COX11: variants seen among roughly 807,000 people sequenced by gnomAD.
COX11 encodes cytochrome c oxidase assembly protein COX11, mitochondrial.
In COX11, 18 loss-of-function variants were observed where a neutral mutation model predicts 29.4. The observed-to-expected ratio is 0.61, with a 90% CI of 0.42 to 0.91. The LOEUF is 0.91. Ranked by LOEUF, COX11 falls within the 40% of genes least tolerant of loss-of-function variation. The pLI is 0.00. For synonymous variants in COX11, 131 were observed against 124.0 expected, an observed-to-expected ratio of 1.06 and a Z score of -0.38; for missense variants, 312 against 346.0, an observed-to-expected ratio of 0.90 and a Z score of 0.78.
At chr17:54,957,910 T>C (rs1352563873), downstream of COX11, 3 of 152,238 alleles carry the variant, frequency 2.0e-5, no homozygotes, top group Non-Finnish European at 4.4e-5. Context: ...AACCACCAAA[T>C]ACATGTTTAC....
intron 1 of COX11, among the ~76,000 whole-genome samples, chr17:54,965,603 C>T (rs952669735): frequency 9.2e-5 from 14 of 152,158 alleles, no homozygotes; most frequent in Admixed American, 2.6e-4. Context: ...CCACGGGGGG[C>T]GGATCATGAG....
Position 54,960,997 on chromosome 17 carries a change from T to C in COX11, c.*1736A>G. On this transcript the variant is annotated 3_prime_UTR_variant, in exon 4 of 4. Transcript: ENST00000299335. Reference sequence around the variant, plus strand: ...TTACCGTTAGTCCTCCAAATAGGTCTGAATTTTTCCTATTTTCAGCACTAC... The same window carrying C: ...TTACCGTTAGTCCTCCAAATAGGTCCGAATTTTTCCTATTTTCAGCACTAC... 1.8e-6 allele frequency: 1 copy of C among 559,906 alleles called. No individual in the cohort carries two copies. Among genetic ancestry groups the C allele is most frequent in the Non-Finnish European group, 3.2e-6 (1 of 317,068 alleles). The allele number at this position is 559,906 out of a possible 1,614,324, so 34.7% of individuals were successfully genotyped here. A position where few individuals can be genotyped will look rare whatever the true frequency, so the allele number is the denominator to read the frequency against.
At position 54,968,581 on chromosome 17, in the gene COX11, A is replaced by G. The variant is rs747294190; in HGVS notation, c.66T>C (p.Pro22=). ...TCTCTGCAGCCCTGGTTGGAGACCCAGGGTGGATCCAGCGCCAGCCACAGA... is the reference window on the plus strand; with the variant it reads ...TCTCTGCAGCCCTGGTTGGAGACCCGGGGTGGATCCAGCGCCAGCCACAGA... ...VPFCGWRWIH[P]GSPTRAAERV... Residue 22 remains proline (P), a synonymous_variant, in exon 1 of 4, where the codon CCT becomes CCC. Coordinates refer to ENST00000299335, the MANE Select transcript of COX11 (RefSeq NM_004375.5). 5.6e-6 allele frequency: 9 copies of G among 1,612,814 alleles called. No individual in the cohort carries two copies. The highest frequency in any genetic ancestry group is 3.4e-6 in the Non-Finnish European group (4 of 1,179,996).
At position 54,961,124 on chromosome 17, in the gene COX11, T is replaced by G; in HGVS notation, c.*1609A>C. ...TGGAAGAAGCACATTCTTACCTTTC[T>G]TCTACTAGACTGTGACTCTCCAGCT... On this transcript the variant is annotated 3_prime_UTR_variant, in exon 4 of 4. Coordinates refer to ENST00000299335, the MANE Select transcript of COX11 (RefSeq NM_004375.5). 2.6e-6 allele frequency: 2 copies of G among 777,912 alleles called. 1 individual carries two copies. Among genetic ancestry groups the G allele is most frequent in the South Asian group, 3.1e-5 (2 of 64,104 alleles). The allele number at this position is 777,912 out of a possible 1,614,324, so 48.2% of individuals were successfully genotyped here.
chr17:54,955,815 G>A (rs1235861270), downstream of COX11, among the ~76,000 whole-genome samples: 1 of 152,154 alleles, frequency 6.6e-6, no homozygotes, highest in Non-Finnish European at 1.5e-5. Flanking sequence ...GTAGTTCATG[G>A]AGCTGCTGCT....
chr17:54,960,608 T>C lies in COX11; in HGVS notation c.*2125A>G, dbSNP rs755194434. The C allele has an allele frequency of 6.2e-7, 1 of 1,612,460 alleles. No homozygotes were observed. The highest frequency in any genetic ancestry group is 8.5e-7 in the Non-Finnish European group (1 of 1,178,976). ...TTGATGCTCACCAGCACAAAGGAGC[T>C]CAAAATGATGGTGACTGAGGTAAAG... On this transcript the variant is annotated 3_prime_UTR_variant, in exon 4 of 4. Coordinates refer to ENST00000299335, the MANE Select transcript of COX11 (RefSeq NM_004375.5).
intron 1 of COX11, among the ~76,000 whole-genome samples, chr17:54,965,604 G>A (rs570077975): frequency 2.5e-4 from 38 of 152,202 alleles, no homozygotes; most frequent in Admixed American, 7.2e-4. Flanking sequence ...CACGGGGGGC[G>A]GATCATGAGG....
Position 54,961,032 on chromosome 17 carries a change from G to C in COX11, c.*1701C>G. 1 of 586,964 alleles carries C rather than the reference G, an allele frequency of 1.7e-6. No homozygotes were observed. Among genetic ancestry groups the C allele is most frequent in the Non-Finnish European group, 3.0e-6 (1 of 332,722 alleles). The allele number at this position is 586,964 out of a possible 1,614,324, so 36.4% of individuals were successfully genotyped here. ...CTATTTTCAGCACTACTAATCCCAT[G>C]TATTTACTATTTAATGGTCACCAAT... On this transcript the variant is annotated 3_prime_UTR_variant, in exon 4 of 4. Transcript: ENST00000299335.
chr17:54,963,254 A>G, intron 3 of COX11, 52 bp downstream of exon 3: 3 of 1,563,268 alleles, frequency 1.9e-6, no homozygotes, highest in Non-Finnish European at 2.6e-6. Context: ...TTTCATACTA[A>G]ACCGTTTCAT....
chr17:54,962,307 AC>A lies in COX11; in HGVS notation c.*425del, dbSNP rs1353422283. 1 of 986,284 alleles carries A rather than the reference AC, an allele frequency of 1.0e-6. No homozygotes were observed. Among genetic ancestry groups the A allele is most frequent in the East Asian group, 1.1e-4 (1 of 8,876 alleles). The allele number at this position is 986,284 out of a possible 1,614,324, so 61.1% of individuals were successfully genotyped here. On this transcript the variant is annotated 3_prime_UTR_variant, in exon 4 of 4. Coordinates refer to ENST00000299335, the MANE Select transcript of COX11 (RefSeq NM_004375.5). The stretch of plus-strand genomic sequence containing the variant: ...GGAAAATAGCAACCAACTCTTTTAG[AC>A]ACAATAAACATGGTTAGAAGTTCTG...
rs1320799236 is a variant in COX11, at chr17:54,961,103, A to C, written c.*1630T>G. On this transcript the variant is annotated 3_prime_UTR_variant, in exon 4 of 4. Coordinates refer to ENST00000299335, the MANE Select transcript of COX11 (RefSeq NM_004375.5). ...TTCCCCTTATACCCTCCCCTATGGAAGAAGCACATTCTTACCTTTCTTCTA... is the reference window on the plus strand; with the variant it reads ...TTCCCCTTATACCCTCCCCTATGGACGAAGCACATTCTTACCTTTCTTCTA... 11 of 701,150 alleles carry C rather than the reference A, an allele frequency of 1.6e-5. No individual in the cohort carries two copies. Among genetic ancestry groups the C allele is most frequent in the Non-Finnish European group, 2.7e-5 (11 of 402,830 alleles). The allele number at this position is 701,150 out of a possible 1,614,324, so 43.4% of individuals were successfully genotyped here.
intron 1 of COX11, among the ~76,000 whole-genome samples, chr17:54,965,700 G>A (rs1036205214): frequency 1.3e-5 from 2 of 152,176 alleles, no homozygotes; most frequent in African/African-American, 2.4e-5. Context: ...GTGGTGACAC[G>A]CGCCTGTAGT....
rs1018550432 is a variant in COX11 at position 54,962,349 on chromosome 17, C to T, written c.*384G>A. Reference sequence around the variant, plus strand: ...AGAAGTTCTGGCCTATGACTTGAAACAAATAACCCTGAGCATACATTTTTG... The same window carrying T: ...AGAAGTTCTGGCCTATGACTTGAAATAAATAACCCTGAGCATACATTTTTG... On this transcript the variant is annotated 3_prime_UTR_variant, in exon 4 of 4. Transcript: ENST00000299335. 2.6e-4 allele frequency: 257 copies of T among 989,698 alleles called. No individual in the cohort carries two copies. The highest frequency in any genetic ancestry group is 3.0e-4 in the Non-Finnish European group (248 of 833,190). The allele number at this position is 989,698 out of a possible 1,614,324, so 61.3% of individuals were successfully genotyped here. A position where few individuals can be genotyped will look rare whatever the true frequency, so the allele number is the denominator to read the frequency against.
At position 54,961,428 on chromosome 17, in the gene COX11, T is replaced by C. The variant is rs1188220016; in HGVS notation, c.*1305A>G. 14 of 1,514,634 alleles carry C rather than the reference T, an allele frequency of 9.2e-6. No individual in the cohort carries two copies. In the Admixed American group the frequency reaches 3.1e-4, roughly 34 times the overall value. The allele number at this position is 1,514,634 out of a possible 1,614,324, so 93.8% of individuals were successfully genotyped here. On this transcript the variant is annotated 3_prime_UTR_variant, in exon 4 of 4. Coordinates refer to ENST00000299335, the MANE Select transcript of COX11 (RefSeq NM_004375.5). ...ACTGATTCCTGACAACAGCGTGAGA[T>C]TTCAACAGAACTTGTTTGGAACAAA...
At chr17:54,955,175 C>T (rs548229565), upstream of COX11, 19 of 152,304 alleles carry the variant, frequency 1.2e-4, no homozygotes, top group Admixed American at 1.1e-3. Context: ...TTGCTGGCCA[C>T]CATGCAAAGC....
Position 54,968,501 on chromosome 17 carries a change from C to T in COX11, c.146G>A (p.Gly49Glu). The T allele has an allele frequency of 6.2e-7, 1 of 1,613,438 alleles. No homozygotes were observed. The highest frequency in any genetic ancestry group is 8.5e-7 in the Non-Finnish European group (1 of 1,179,994). Residue 49 changes from glycine (G) to glutamate (E), a missense_variant, in exon 1 of 4, where the codon GGA (glycine) becomes GAA (glutamate). Transcript: ENST00000299335. ...CTTCCATGTCCCAAGCCACCTCAGT[C>T]CTCTCTCGGCACCTCCTGTCCCACT... Reference protein sequence around the residue: ...EWSGTGGAERGLRWLGTWKRC... With the variant: ...EWSGTGGAERELRWLGTWKRC...
rs1029899049 is a variant in COX11, at chr17:54,968,438, G to A, written c.209C>T (p.Pro70Leu). ...GTTCGAGCTCTTAGGCCGCCGCGGC[G>A]GCTGCAATGCTGGATGCCGGGCTCG... Reference protein sequence around the residue: ...SLRARHPALQPPRRPKSSNPF... With the variant: ...SLRARHPALQLPRRPKSSNPF... The change falls in exon 1 of 4, where the codon CCG becomes CTG. Residue 70 changes from proline (P) to leucine (L), a missense_variant. Around this residue, in one of 2 missense-constraint regions of COX11, gnomAD observed 130 missense variants for 106.0 expected, o/e 1.23. Coordinates refer to ENST00000299335, the MANE Select transcript of COX11 (RefSeq NM_004375.5). 1.2e-6 allele frequency: 2 copies of A among 1,613,484 alleles called. No individual in the cohort carries two copies. The highest frequency in any genetic ancestry group is 1.7e-5 in the Admixed American group (1 of 60,022).
downstream of COX11, among the ~76,000 whole-genome samples, chr17:54,960,135 G>C (rs888689991): frequency 2.0e-5 from 3 of 152,116 alleles, no homozygotes; most frequent in Non-Finnish European, 1.5e-5. Flanking sequence ...GGCCGAGGCG[G>C]GTGGATCACC....
intron 1 of COX11, 112 bp from the exon 2 acceptor site, chr17:54,964,964 T>G: frequency 1.0e-6 from 1 of 999,484 alleles, no homozygotes; most frequent in African/African-American, 1.6e-5. Context: ...GAGCCAAGTT[T>G]ACATATGGTA....
Sources: allele counts gnomAD v4.1 joint callset (sites outside exome capture counted in the v4.1 genomes callset), GRCh38; gene constraint gnomAD v4.1.1; regional missense constraint gnomAD v4.1.1; transcripts MANE v1.5; gene names NCBI Gene and HGNC (gene_info 2026-07-23, HGNC 2026-07-21).